Variants in IGFBP7 observed in about 807,000 individuals in gnomAD.
IGFBP7 encodes insulin-like growth factor-binding protein 7.
In IGFBP7, 31 loss-of-function variants were observed where a neutral mutation model predicts 29.4. The observed-to-expected ratio is 1.05, with a 90% confidence interval of 0.79 to 1.42. IGFBP7 has a LOEUF of 1.42. Among genes scored for constraint, IGFBP7 ranks in the 40% most tolerant of loss-of-function variants. IGFBP7 has a pLI of 0.00. For synonymous variants in IGFBP7, 172 were observed against 174.9 expected (o/e 0.98, Z 0.13); for missense variants, 393 against 395.5 (o/e 0.99, Z 0.05).
At chr4:57,064,796 C>T (rs552674076) in intron 1 of IGFBP7, among the ~76,000 whole-genome samples, 9 of 152,262 alleles carry the variant, frequency 5.9e-5, no homozygotes, top group African/African-American at 1.4e-4. Context: ...TCCTAGATAA[C>T]GGCAGAAAAG....
intron 1 of IGFBP7, among the ~76,000 whole-genome samples, chr4:57,083,257 TG>T (rs2109787997): frequency 6.6e-6 from 1 of 152,360 alleles, no homozygotes; most frequent in African/African-American, 2.4e-5. Flanking sequence ...TTAGGAATTC[TG>T]GTCTTGGCAA....
intron 1 of IGFBP7, among the ~76,000 whole-genome samples, chr4:57,067,397 AAC>A (rs1357007580): frequency 6.6e-6 from 1 of 152,232 alleles, no homozygotes; most frequent in African/African-American, 2.4e-5. Flanking sequence ...CATATGCCAT[AAC>A]ACAGATGTAC....
intron 1 of IGFBP7, among the ~76,000 whole-genome samples, chr4:57,069,667 A>C (rs913234368): frequency 4.6e-5 from 7 of 152,250 alleles, no homozygotes; most frequent in South Asian, 2.1e-4. Context: ...TATCTCTAAA[A>C]AAACAAACAA....
intron 1 of IGFBP7, among the ~76,000 whole-genome samples, chr4:57,096,132 T>A (rs1189066989): frequency 6.6e-6 from 1 of 151,586 alleles, no homozygotes; most frequent in Non-Finnish European, 1.5e-5. Context: ...ATTTTTAAAA[T>A]ACCAACAAAA....
chr4:57,108,259 T>C (rs992167080), intron 1 of IGFBP7, among the ~76,000 whole-genome samples: 2 of 152,228 alleles, frequency 1.3e-5, no homozygotes, highest in African/African-American at 4.8e-5. Flanking sequence ...ATTGATGACA[T>C]ACAACCTATT....
intron 1 of IGFBP7, among the ~76,000 whole-genome samples, chr4:57,078,944 C>T (rs1484743708): frequency 3.3e-5 from 5 of 152,192 alleles, no homozygotes; most frequent in Non-Finnish European, 7.4e-5. Context: ...AGCTGGCTCC[C>T]GTCCACAGGG....
chr4:57,038,770 A>G (rs11573118), intron 2 of IGFBP7, among the ~76,000 whole-genome samples: 8,840 of 152,164 alleles, frequency 0.058, 338 homozygotes, highest in East Asian at 0.15. Flanking sequence ...CAAAATGTAT[A>G]AAAAGGACAA....
At chr4:57,072,625 C>T in intron 1 of IGFBP7, 1 of 256,340 alleles carries the variant, frequency 3.9e-6, no homozygotes, top group Non-Finnish European at 7.4e-6. Flanking sequence ...CTTGACCCAG[C>T]CACCACCAGC....
At chr4:57,042,384 C>G (rs1178516733) in intron 1 of IGFBP7, among the ~76,000 whole-genome samples, 1 of 152,052 alleles carries the variant, frequency 6.6e-6, no homozygotes, top group Admixed American at 6.5e-5. Context: ...GAACCTTACT[C>G]TGTTGCTCAG....
chr4:57,048,072 G>C (rs1325858275), intron 1 of IGFBP7, among the ~76,000 whole-genome samples: 1 of 135,342 alleles, frequency 7.4e-6, no homozygotes, highest in African/African-American at 2.8e-5. Context: ...TTTTTTTTGA[G>C]ACGGAGTCTT....
chr4:57,035,130 A>C (rs1043746383), intron 2 of IGFBP7, among the ~76,000 whole-genome samples: 1 of 152,220 alleles, frequency 6.6e-6, no homozygotes, highest in Non-Finnish European at 1.5e-5. Context: ...GCAGCACTGA[A>C]ATACTGAATC....
chr4:57,049,145 A>C (rs144018886), intron 1 of IGFBP7, among the ~76,000 whole-genome samples: 8 of 152,170 alleles, frequency 5.3e-5, no homozygotes, highest in Non-Finnish European at 1.2e-4. Context: ...AGGGATTAAA[A>C]AAATAGAGCT....
intron 1 of IGFBP7, among the ~76,000 whole-genome samples, chr4:57,104,390 C>G (rs1458522774): frequency 1.3e-5 from 2 of 152,146 alleles, no homozygotes; most frequent in African/African-American, 4.8e-5. Flanking sequence ...GGCTCTCTGA[C>G]AGTCCTCATG....
At chr4:57,041,874 G>A (rs1356073976) in intron 1 of IGFBP7, among the ~76,000 whole-genome samples, 1 of 152,120 alleles carries the variant, frequency 6.6e-6, no homozygotes, top group Non-Finnish European at 1.5e-5. Context: ...CCCGGGTGTC[G>A]AGGAAGGTGG....
intron 2 of IGFBP7, among the ~76,000 whole-genome samples, chr4:57,039,640 ACTCTT>A (rs1724170805): frequency 4.4e-5 from 5 of 113,004 alleles, no homozygotes; most frequent in Non-Finnish European, 3.6e-5. Context: ...AGGAATTCAC[ACTCTT>A]TTTTTTTTTT....
intron 1 of IGFBP7, among the ~76,000 whole-genome samples, chr4:57,082,549 C>T (rs1045925579): frequency 3.3e-5 from 5 of 151,990 alleles, no homozygotes; most frequent in Non-Finnish European, 7.4e-5. Context: ...AAAGAACCTT[C>T]GAAATTTAGT....
chr4:57,073,689 G>A (rs1234154787), intron 1 of IGFBP7, among the ~76,000 whole-genome samples: 1 of 152,138 alleles, frequency 6.6e-6, no homozygotes, highest in South Asian at 2.1e-4. Context: ...GTCAGACTAG[G>A]AGGGGCCTCT....
intron 1 of IGFBP7, among the ~76,000 whole-genome samples, chr4:57,075,305 G>T (rs1725194888): frequency 6.6e-6 from 1 of 152,154 alleles, no homozygotes; most frequent in African/African-American, 2.4e-5. Context: ...AAAGGACTCA[G>T]GAGATCCCAT....
chr4:57,035,693 T>G lies in IGFBP7; in HGVS notation c.586-2382A>C, dbSNP rs556033037. On this transcript the variant is annotated intron_variant, in intron 2 of 4. Transcript: ENST00000295666. ...CCAGGGTGGTCTCGAACTCCTGACC[T>G]TAAGTGATCCACTTGCCTTGGCCTC... is the stretch of plus-strand genomic sequence containing the variant. 2.0e-5 allele frequency among the ~76,000 whole-genome samples: 3 copies of G among 152,322 alleles called. No individual in the cohort carries two copies. The East Asian group carries it at 5.8e-4, about 29-fold the overall frequency.
Sources: gnomAD v4.1 joint callset for allele counts (sites outside exome capture counted in the v4.1 genomes callset) on GRCh38, gnomAD v4.1.1 for gene constraint, MANE v1.5 for transcripts, NCBI Gene and HGNC (gene_info 2026-07-23, HGNC 2026-07-21) for gene names.